The following CACNA2D3 variants were observed in gnomAD, a reference collection of about 807,000 sequenced individuals.
CACNA2D3 encodes the protein calcium voltage-gated channel auxiliary subunit alpha2delta 3, also known as voltage-dependent calcium channel subunit alpha-2/delta-3.
In CACNA2D3, 60 loss-of-function variants were observed where a neutral mutation model predicts 160.6. That is an observed-to-expected ratio of 0.37 (90% CI 0.30 to 0.46). The LOEUF (loss-of-function observed/expected upper bound fraction) is 0.46, where lower values mean the gene tolerates loss of function less well. Among genes scored for constraint, CACNA2D3 ranks in the 20% least tolerant of loss-of-function variants. The pLI is 1.00. For missense variants in CACNA2D3, 1,205 were observed against 1,365.0 expected (o/e 0.88, Z 1.85); for synonymous variants, 558 against 492.9 (o/e 1.13, Z -1.75).
At chr3:54,400,544 G>T (rs953702423) in intron 4 of CACNA2D3, among the ~76,000 whole-genome samples, 1 of 152,126 alleles carries the variant, frequency 6.6e-6, no homozygotes, top group Non-Finnish European at 1.5e-5. Context: ...AAAAGTCCTT[G>T]TCACCAAGGA....
rs148507278 is a variant in CACNA2D3 at position 54,708,150 on chromosome 3, C to A, written c.1168-44449C>A. On this transcript the variant is annotated intron_variant, in intron 11 of 37. Coordinates refer to ENST00000474759, the MANE Select transcript of CACNA2D3 (RefSeq NM_018398.3). Reference sequence around the variant, plus strand: ...GGGCCTTATATTCCTGGCCTCGAGTCGATCAAAGAACATATAAAACCATCC... The same window carrying A: ...GGGCCTTATATTCCTGGCCTCGAGTAGATCAAAGAACATATAAAACCATCC... Among the ~76,000 whole-genome samples, 7 of 152,252 alleles carry A rather than the reference C, an allele frequency of 4.6e-5. No individual in the cohort carries two copies. The East Asian group carries it at 1.4e-3, about 29-fold the overall frequency.
chr3:54,850,517 A>G lies in CACNA2D3; in HGVS notation c.1626+4050A>G, dbSNP rs932381397. ...GAGAGCTTTAGGAATTTTTCTTAGA[A>G]TGTGGAGCCCTGAATAGATCTCCTT... On this transcript the variant is annotated intron_variant, in intron 17 of 37. Transcript: ENST00000474759. Among the ~76,000 whole-genome samples, 3 of 152,176 alleles carry G rather than the reference A, an allele frequency of 2.0e-5. 1 individual carries two copies. The highest frequency in any genetic ancestry group is 4.4e-5 in the Non-Finnish European group (3 of 68,032).
At position 54,691,978 on chromosome 3, in the gene CACNA2D3, T is replaced by A. The variant is rs189201632; in HGVS notation, c.1167+49737T>A. Among the ~76,000 whole-genome samples the A allele has an allele frequency of 3.6e-3, 534 of 150,098 alleles. 4 individuals carry two copies. Among genetic ancestry groups the A allele is most frequent in the Middle Eastern group, 6.9e-3 (2 of 290 alleles). Reference sequence around the variant, plus strand: ...GTTAAAGTAATTAATAATATTAATTTCTTTCTTCCTTTTTTTTTGAGACAG... The same window carrying A: ...GTTAAAGTAATTAATAATATTAATTACTTTCTTCCTTTTTTTTTGAGACAG... On this transcript the variant is annotated intron_variant, in intron 11 of 37. Coordinates refer to ENST00000474759, the MANE Select transcript of CACNA2D3 (RefSeq NM_018398.3).
intron 2 of CACNA2D3, among the ~76,000 whole-genome samples, chr3:54,287,225 G>C (rs934924421): frequency 2.6e-5 from 4 of 152,126 alleles, no homozygotes; most frequent in African/African-American, 9.7e-5. Context: ...ATAAAGGGAC[G>C]GAGGAAGATA....
At chr3:54,918,818 C>T in intron 27 of CACNA2D3, 1 of 1,610,796 alleles carries the variant, frequency 6.2e-7, no homozygotes, top group Non-Finnish European at 8.5e-7. Context: ...TGGTACAGCT[C>T]ATGAGGGATC....
chr3:54,641,559 A>G (rs1022257008), intron 10 of CACNA2D3, among the ~76,000 whole-genome samples: 6 of 152,244 alleles, frequency 3.9e-5, no homozygotes, highest in Non-Finnish European at 7.3e-5. Context: ...GAAATTCTCT[A>G]GCGAATGCAA....
chr3:54,185,396 A>T (rs1700862962), intron 2 of CACNA2D3, among the ~76,000 whole-genome samples: 1 of 152,178 alleles, frequency 6.6e-6, no homozygotes, highest in Admixed American at 6.5e-5. Flanking sequence ...GGCTCTTAGA[A>T]GTCCTTAAAA....
intron 2 of CACNA2D3, among the ~76,000 whole-genome samples, chr3:54,150,273 A>G (rs150325283): frequency 0.017 from 2,517 of 152,250 alleles, 30 homozygotes; most frequent in Non-Finnish European, 0.025. Flanking sequence ...TTTCCTTTTC[A>G]GTTTCTACTT....
intron 4 of CACNA2D3, among the ~76,000 whole-genome samples, chr3:54,472,659 C>T (rs1047581337): frequency 6.6e-6 from 1 of 152,144 alleles, no homozygotes; most frequent in African/African-American, 2.4e-5. Context: ...CCCAAAATCT[C>T]CTTAAGCTGA....
chr3:54,869,141 A>T (rs1359248638), intron 17 of CACNA2D3, among the ~76,000 whole-genome samples: 3 of 152,216 alleles, frequency 2.0e-5, no homozygotes, highest in Non-Finnish European at 4.4e-5. Context: ...GGACGAAGGA[A>T]CATTTGTTGC....
At chr3:54,293,020 C>T (rs1703247119) in intron 2 of CACNA2D3, among the ~76,000 whole-genome samples, 1 of 152,096 alleles carries the variant, frequency 6.6e-6, no homozygotes, top group Non-Finnish European at 1.5e-5. Flanking sequence ...TTCATACATG[C>T]TACAACATGG....
intron 35 of CACNA2D3, 71 bp downstream of exon 35, chr3:55,018,388 G>C (rs1346396414): frequency 2.2e-6 from 2 of 892,292 alleles, no homozygotes; most frequent in African/African-American, 1.6e-5. Context: ...AGATGGGTCT[G>C]TGTGACTTGC....
intron 27 of CACNA2D3, among the ~76,000 whole-genome samples, chr3:54,916,044 A>C (rs1375033573): frequency 6.6e-6 from 1 of 152,214 alleles, no homozygotes; most frequent in Admixed American, 6.5e-5. Flanking sequence ...ACTGTCACCA[A>C]ACCTCTGGCA....
At chr3:54,651,585 G>T (rs1481326771) in intron 11 of CACNA2D3, among the ~76,000 whole-genome samples, 1 of 152,034 alleles carries the variant, frequency 6.6e-6, no homozygotes, top group Non-Finnish European at 1.5e-5. Context: ...TGGCTTAGGG[G>T]ACCTGGCTCA....
chr3:54,381,972 A>G (rs1699110247), intron 3 of CACNA2D3, among the ~76,000 whole-genome samples: 1 of 152,170 alleles, frequency 6.6e-6, no homozygotes, highest in East Asian at 1.9e-4. Context: ...GTATATTGTT[A>G]TCATTTTTAT....
chr3:54,726,812 T>A (rs533223175), intron 11 of CACNA2D3, among the ~76,000 whole-genome samples: 17 of 152,288 alleles, frequency 1.1e-4, no homozygotes, highest in African/African-American at 3.1e-4. Context: ...ATAAAAATCC[T>A]GTAAGGAAAC....
intron 13 of CACNA2D3, among the ~76,000 whole-genome samples, chr3:54,797,594 C>T (rs1702892336): frequency 6.6e-6 from 1 of 152,156 alleles, no homozygotes; most frequent in Non-Finnish European, 1.5e-5. Context: ...AGCCATTTCA[C>T]TTTTGCAAGT....
At chr3:54,774,496 T>C (rs1468853273) in intron 13 of CACNA2D3, among the ~76,000 whole-genome samples, 1 of 152,056 alleles carries the variant, frequency 6.6e-6, no homozygotes, top group East Asian at 1.9e-4. Flanking sequence ...TCTGCACCCA[T>C]GATCCAGTCA....
intron 11 of CACNA2D3, among the ~76,000 whole-genome samples, chr3:54,659,416 G>A (rs1699929732): frequency 6.6e-6 from 1 of 152,170 alleles, no homozygotes; most frequent in Non-Finnish European, 1.5e-5. Flanking sequence ...TATCCCTTTT[G>A]TAAGTGAGAA....
Sources: gnomAD v4.1 joint callset for allele counts (sites outside exome capture counted in the v4.1 genomes callset) on GRCh38, gnomAD v4.1.1 for gene constraint, MANE v1.5 for transcripts, NCBI Gene and HGNC (gene_info 2026-07-23, HGNC 2026-07-21) for gene names.